UBA2: variants seen among roughly 807,000 people sequenced by gnomAD.
The protein encoded by UBA2 is ubiquitin like modifier activating enzyme 2.
A neutral mutation model predicts 77.2 loss-of-function variants in UBA2; 11 were observed. That is an observed-to-expected ratio of 0.14 (90% CI 0.09 to 0.24). The LOEUF is 0.24. Among genes scored for constraint, UBA2 ranks in the 10% least tolerant of loss-of-function variants. The probability of loss-of-function intolerance (pLI) is 1.00; values close to 1 mark genes in which losing one functional copy is unlikely to be tolerated. For missense variants in UBA2, 487 were observed against 781.7 expected (o/e 0.62, Z 4.50); for synonymous variants, 278 against 276.7 (o/e 1.00, Z -0.05).
rs571373187 is a variant in UBA2 at position 34,431,977 on chromosome 19, A to C, written c.293+46A>C. 11 of 808,610 alleles carry C rather than the reference A, an allele frequency of 1.4e-5. No individual in the cohort carries two copies. The East Asian group carries it at 3.2e-4, about 24-fold the overall frequency. The allele number at this position is 808,610 out of a possible 1,614,324, so 50.1% of individuals were successfully genotyped here. ...TGCAAAGTTGTATAAGGGTTTTGTAAGCCAAATATATAAGCTCAAAGTCAT... is the reference window on the plus strand; with the variant it reads ...TGCAAAGTTGTATAAGGGTTTTGTACGCCAAATATATAAGCTCAAAGTCAT... On this transcript the variant is annotated intron_variant, in intron 3 of 16. Coordinates refer to ENST00000246548, the MANE Select transcript of UBA2 (RefSeq NM_005499.3).
chr19:34,438,393 T>G (rs972429809), intron 5 of UBA2, among the ~76,000 whole-genome samples: 9 of 152,224 alleles, frequency 5.9e-5, no homozygotes, highest in African/African-American at 1.9e-4. Flanking sequence ...TAATTTTTAT[T>G]TGGGCTTGTA....
At chr19:34,443,285 G>A (rs1208386601) in intron 6 of UBA2, among the ~76,000 whole-genome samples, 1 of 152,160 alleles carries the variant, frequency 6.6e-6, no homozygotes, top group Non-Finnish European at 1.5e-5. Context: ...CTTGAGCAGA[G>A]GTTTTAACAT....
intron 9 of UBA2, among the ~76,000 whole-genome samples, chr19:34,450,955 T>C (rs975552234): frequency 1.1e-4 from 17 of 151,938 alleles, no homozygotes; most frequent in African/African-American, 3.6e-4. Flanking sequence ...AGATTTAATC[T>C]AGAAACACAT....
intron 14 of UBA2, among the ~76,000 whole-genome samples, chr19:34,460,874 G>A (rs2075623576): frequency 6.6e-6 from 1 of 152,222 alleles, no homozygotes; most frequent in Non-Finnish European, 1.5e-5. Context: ...ATCACAGTGG[G>A]TAGGGTTCTA....
intron 6 of UBA2, among the ~76,000 whole-genome samples, chr19:34,442,907 G>A (rs116187248): frequency 0.013 from 1,939 of 152,268 alleles, 47 homozygotes; most frequent in African/African-American, 0.044. Context: ...TGAAATTATA[G>A]TTGGGTGGGG....
intron 14 of UBA2, among the ~76,000 whole-genome samples, chr19:34,462,724 G>C (rs1440476738): frequency 6.6e-6 from 1 of 152,182 alleles, no homozygotes; most frequent in Non-Finnish European, 1.5e-5. Context: ...CTAGCACTTT[G>C]AGGGGCCGAG....
intron 12 of UBA2, 52 bp from the exon 13 acceptor site, chr19:34,458,717 G>T (rs1019236631): frequency 4.6e-6 from 7 of 1,519,860 alleles, no homozygotes; most frequent in Non-Finnish European, 5.4e-6. Context: ...ATTGTATGGC[G>T]TATAAAATTA....
intron 5 of UBA2, among the ~76,000 whole-genome samples, chr19:34,436,646 A>G (rs747633028): frequency 1.3e-5 from 2 of 152,114 alleles, no homozygotes; most frequent in Non-Finnish European, 1.5e-5. Context: ...TGCTATTCAG[A>G]TATTTTTTCT....
chr19:34,455,239 A>G (rs919075916), intron 12 of UBA2, among the ~76,000 whole-genome samples: 2 of 152,132 alleles, frequency 1.3e-5, no homozygotes, highest in African/African-American at 4.8e-5. Context: ...TGTTATTGTC[A>G]TGAATTATAT....
intron 6 of UBA2, among the ~76,000 whole-genome samples, chr19:34,439,076 C>T (rs1262441192): frequency 6.6e-6 from 1 of 151,864 alleles, no homozygotes; most frequent in Non-Finnish European, 1.5e-5. Context: ...GCCGTGATGG[C>T]GAGTGCCTGT....
Position 34,458,852 on chromosome 19 carries a change from A to G in UBA2, c.1329A>G (p.Val443=). Residue 443 remains valine (V), a synonymous_variant, in exon 13 of 17, where the codon GTA becomes GTG. Transcript: ENST00000246548. ...ATCCTCCCAACCCCAATTGTTATGT[A>G]TGTGCCAGCAAGCCAGAGGTGACTG... ...ALDPPNPNCY[V]CASKPEVTVR... is the part of the protein sequence containing the mutation. 1 of 1,614,122 alleles carries G rather than the reference A, an allele frequency of 6.2e-7. No individual in the cohort carries two copies. The highest frequency in any genetic ancestry group is 8.5e-7 in the Non-Finnish European group (1 of 1,180,024).
Position 34,428,529 on chromosome 19 carries a change from C to A in UBA2, c.97C>A (p.Leu33Ile). ...VGAGGIGCEL[L>I]KNLVLTGFSH... ...GGCGGGCGGCATCGGCTGCGAGCTC[C>A]TCAAGAATCTCGTGCTCACCGGTTT... Residue 33 changes from leucine to isoleucine, a missense_variant, in exon 1 of 17, where the codon CTC becomes ATC. Physicochemically the swap from Leu to Ile is conservative, Grantham distance 5. Around this residue, in one of 9 missense-constraint regions of UBA2, gnomAD observed 19 missense variants for 17.7 expected, o/e 1.07. Transcript: ENST00000246548. The A allele has an allele frequency of 7.7e-7, 1 of 1,306,506 alleles. No individual in the cohort carries two copies. The highest frequency in any genetic ancestry group is 9.8e-7 in the Non-Finnish European group (1 of 1,019,626). The allele number at this position is 1,306,506 out of a possible 1,614,324, so 80.9% of individuals were successfully genotyped here. A position where few individuals can be genotyped will look rare whatever the true frequency, so the allele number is the denominator to read the frequency against.
rs540025944 is a variant in UBA2, at chr19:34,438,496, G to A, written c.460-149G>A. Reference sequence around the variant, plus strand: ...AGCTTTTGTGTTAGTTTATCATAAAGTAAGCATTTTGGAGTCACTAATATT... The same window carrying A: ...AGCTTTTGTGTTAGTTTATCATAAAATAAGCATTTTGGAGTCACTAATATT... On this transcript the variant is annotated intron_variant, in intron 5 of 16. Transcript: ENST00000246548. 7.3e-5 allele frequency: 71 copies of A among 970,240 alleles called. No individual in the cohort carries two copies. The East Asian group carries it at 1.8e-3, about 24-fold the overall frequency. The allele number at this position is 970,240 out of a possible 1,614,324, so 60.1% of individuals were successfully genotyped here. A position where few individuals can be genotyped will look rare whatever the true frequency, so the allele number is the denominator to read the frequency against.
intron 14 of UBA2, among the ~76,000 whole-genome samples, chr19:34,463,621 A>G (rs906673672): frequency 6.6e-6 from 1 of 151,746 alleles, no homozygotes; most frequent in African/African-American, 2.4e-5. Flanking sequence ...AGTCCTAAAA[A>G]TTTTTTTTGC....
intron 1 of UBA2, chr19:34,428,815 T>C: frequency 8.7e-7 from 1 of 1,152,798 alleles, no homozygotes; most frequent in African/African-American, 1.6e-5. Flanking sequence ...GGCCCCCGCC[T>C]CCCCGGCAGC....
In UBA2 at chr19:34,430,641, T is replaced by G; in HGVS notation, c.204T>G (p.Val68=). ...NRQFLFQKKH[V]GRSKAQVAKE... Reference sequence around the variant, plus strand: ...AGTTTTTGTTTCAAAAGAAACATGTTGGAAGATCAAAGGCACAGGTAACTA... The same window carrying G: ...AGTTTTTGTTTCAAAAGAAACATGTGGGAAGATCAAAGGCACAGGTAACTA... Residue 68 remains valine (V), a synonymous_variant, in exon 2 of 17, where the codon GTT becomes GTG. Coordinates refer to ENST00000246548, the MANE Select transcript of UBA2 (RefSeq NM_005499.3). 1 of 1,613,620 alleles carries G rather than the reference T, an allele frequency of 6.2e-7. No individual in the cohort carries two copies. Among genetic ancestry groups the G allele is most frequent in the Non-Finnish European group, 8.5e-7 (1 of 1,179,638 alleles).
In UBA2 at chr19:34,465,367, G is replaced by A. The variant is rs2075676235; in HGVS notation, c.1604+1236G>A. Among the ~76,000 whole-genome samples, 3 of 152,270 alleles carry A rather than the reference G, an allele frequency of 2.0e-5. No individual in the cohort carries two copies. The South Asian group carries it at 6.2e-4, about 32-fold the overall frequency. ...AAATGACAGGAAGGAGGCCAGGTGC[G>A]ATGGCTCATGTCTGTGATCCCAGCA... On this transcript the variant is annotated intron_variant, in intron 15 of 16. Transcript: ENST00000246548.
chr19:34,468,704 ATTG>A (rs1252866644), intron 16 of UBA2, among the ~76,000 whole-genome samples: 1 of 152,138 alleles, frequency 6.6e-6, no homozygotes, highest in African/African-American at 2.4e-5. Context: ...TAAGTGCTGT[ATTG>A]TTGTTGCTAT....
intron 5 of UBA2, among the ~76,000 whole-genome samples, chr19:34,437,674 T>G (rs2075324445): frequency 1.3e-5 from 2 of 152,222 alleles, no homozygotes; most frequent in South Asian, 2.1e-4. Context: ...ATGATTCATT[T>G]GATAGTTTTG....
Sources: allele counts gnomAD v4.1 joint callset (sites outside exome capture counted in the v4.1 genomes callset), GRCh38; gene constraint gnomAD v4.1.1; regional missense constraint gnomAD v4.1.1; transcripts MANE v1.5; gene names NCBI Gene and HGNC (gene_info 2026-07-23, HGNC 2026-07-21).